Variants in WWTR1 observed in about 807,000 individuals in gnomAD.
The protein encoded by WWTR1 is WW domain containing transcription regulator 1.
A neutral mutation model predicts 40.1 loss-of-function variants in WWTR1; 13 were observed. The ratio of observed to expected loss-of-function variants is 0.32; its 90% CI spans 0.21 to 0.52. The LOEUF (loss-of-function observed/expected upper bound fraction) is 0.52. Among genes scored for constraint, WWTR1 ranks in the 20% least tolerant of loss-of-function variants. The pLI, the probability that WWTR1 is intolerant of heterozygous loss-of-function variation, is 0.97. For missense variants in WWTR1, 436 were observed against 523.1 expected, an observed-to-expected ratio of 0.83 and a Z score of 1.63; for synonymous variants, 230 against 210.1, an observed-to-expected ratio of 1.09 and a Z score of -0.82.
At chr3:149,688,633 A>G (rs899437358) in intron 1 of WWTR1, among the ~76,000 whole-genome samples, 2 of 152,188 alleles carry the variant, frequency 1.3e-5, no homozygotes, top group Admixed American at 1.3e-4. Flanking sequence ...ACAACACTCA[A>G]TTTCCTTTGA....
chr3:149,676,589 C>A (rs375339735), intron 1 of WWTR1, among the ~76,000 whole-genome samples: 4 of 152,060 alleles, frequency 2.6e-5, no homozygotes, highest in East Asian at 1.9e-4. Flanking sequence ...TTACAGCAAC[C>A]CTGCCTGGCA....
intron 1 of WWTR1, among the ~76,000 whole-genome samples, chr3:149,690,939 A>G (rs11925206): frequency 0.17 from 26,059 of 152,220 alleles, 3,158 homozygotes; most frequent in African/African-American, 0.34. Flanking sequence ...CAATAACATA[A>G]GGAACTTTGA....
At chr3:149,552,742 G>C (rs947980169) in intron 3 of WWTR1, among the ~76,000 whole-genome samples, 1 of 152,264 alleles carries the variant, frequency 6.6e-6, no homozygotes, top group East Asian at 1.9e-4. Context: ...AGGATAGAAG[G>C]GTCTTAGTCC....
chr3:149,535,709 T>A (rs1441583855), intron 4 of WWTR1, among the ~76,000 whole-genome samples: 3 of 143,482 alleles, frequency 2.1e-5, no homozygotes, highest in African/African-American at 2.6e-5. Context: ...TGTCTTCACT[T>A]AAAAAAAAAA....
chr3:149,700,520 A>C (rs1343111999), intron 1 of WWTR1, among the ~76,000 whole-genome samples: 1 of 152,166 alleles, frequency 6.6e-6, no homozygotes, highest in African/African-American at 2.4e-5. Context: ...ATAGGGTTAT[A>C]AATTGGAGCA....
chr3:149,578,199 G>A (rs553993213), intron 2 of WWTR1, among the ~76,000 whole-genome samples: 49 of 152,270 alleles, frequency 3.2e-4, no homozygotes, highest in African/African-American at 1.1e-3. Context: ...ACACGCAGTT[G>A]TGGAGTCACA....
intron 6 of WWTR1, among the ~76,000 whole-genome samples, chr3:149,521,470 C>T (rs1333700645): frequency 1.3e-5 from 2 of 152,184 alleles, no homozygotes; most frequent in East Asian, 3.9e-4. Context: ...AAAGGCAGTT[C>T]TGCAGACGTT....
chr3:149,697,705 C>A (rs1294615653), intron 1 of WWTR1, among the ~76,000 whole-genome samples: 1 of 152,242 alleles, frequency 6.6e-6, no homozygotes, highest in East Asian at 1.9e-4. Context: ...AAAGTCTTAA[C>A]TTGTTCCAGC....
At chr3:149,588,885 G>T (rs975698728) in intron 2 of WWTR1, among the ~76,000 whole-genome samples, 1 of 152,052 alleles carries the variant, frequency 6.6e-6, no homozygotes, top group African/African-American at 2.4e-5. Context: ...TGGAAAAGGC[G>T]CCACCATAAT....
intron 4 of WWTR1, among the ~76,000 whole-genome samples, chr3:149,533,334 C>T (rs1483555262): frequency 6.6e-6 from 1 of 152,170 alleles, no homozygotes; most frequent in Non-Finnish European, 1.5e-5. Flanking sequence ...TGACCAGAGA[C>T]CAATCAGGAT....
chr3:149,684,245 T>C (rs924747421), intron 1 of WWTR1, among the ~76,000 whole-genome samples: 6 of 151,782 alleles, frequency 4.0e-5, no homozygotes, highest in African/African-American at 1.2e-4. Context: ...TGGTCTTGAG[T>C]TCCTGGGTTC....
intron 3 of WWTR1, among the ~76,000 whole-genome samples, chr3:149,566,400 T>G (rs1737331651): frequency 6.6e-6 from 1 of 152,170 alleles, no homozygotes; most frequent in Non-Finnish European, 1.5e-5. Flanking sequence ...GGGTATTTTT[T>G]TGTTTGTTTG....
chr3:149,539,842 T>C (rs1468703869), intron 4 of WWTR1, among the ~76,000 whole-genome samples: 1 of 151,816 alleles, frequency 6.6e-6, no homozygotes, highest in East Asian at 1.9e-4. Context: ...ACCTGAATAC[T>C]GAATAATCAG....
intron 2 of WWTR1, among the ~76,000 whole-genome samples, chr3:149,628,325 C>T (rs781195337): frequency 2.0e-5 from 3 of 152,190 alleles, no homozygotes; most frequent in African/African-American, 7.2e-5. Context: ...GCCGAGATCA[C>T]GCCACTGCAC....
chr3:149,543,120 G>A (rs1240880306), intron 3 of WWTR1, among the ~76,000 whole-genome samples: 1 of 152,158 alleles, frequency 6.6e-6, no homozygotes, highest in Non-Finnish European at 1.5e-5. Flanking sequence ...ACAAATATCT[G>A]ACTGAGAAAA....
intron 4 of WWTR1, among the ~76,000 whole-genome samples, chr3:149,718,982 C>T (rs35694321): frequency 0.064 from 9,668 of 151,276 alleles, 352 homozygotes; most frequent in Non-Finnish European, 0.086. Context: ...CTTGTCACCA[C>T]GCCTGGCTAA....
chr3:149,556,959 G>A (rs556445005), intron 3 of WWTR1, among the ~76,000 whole-genome samples: 27 of 151,080 alleles, frequency 1.8e-4, no homozygotes, highest in Middle Eastern at 3.4e-3. Flanking sequence ...TTGGTCTTCT[G>A]TGAACACTGG....
chr3:149,590,570 C>G (rs1016863256), intron 2 of WWTR1, among the ~76,000 whole-genome samples: 10 of 152,004 alleles, frequency 6.6e-5, no homozygotes, highest in Admixed American at 1.3e-4. Context: ...CGCTTGAACC[C>G]GGGAGGTGGA....
At chr3:149,700,711 A>G (rs1471819250) in intron 1 of WWTR1, among the ~76,000 whole-genome samples, 1 of 152,236 alleles carries the variant, frequency 6.6e-6, no homozygotes, top group East Asian at 1.9e-4. Flanking sequence ...GTAACAATAG[A>G]TAACACTGGG....
Sources: allele counts gnomAD v4.1 joint callset (sites outside exome capture counted in the v4.1 genomes callset), GRCh38; gene constraint gnomAD v4.1.1; transcripts MANE v1.5; gene names NCBI Gene and HGNC (gene_info 2026-07-23, HGNC 2026-07-21).